HOOK1: variants seen among roughly 807,000 people sequenced by gnomAD.
The protein encoded by HOOK1 is hook microtubule tethering protein 1.
A neutral mutation model predicts 112.8 loss-of-function variants in HOOK1; 60 were observed. The ratio of observed to expected loss-of-function variants is 0.53; its 90% confidence interval spans 0.43 to 0.66. HOOK1 has a LOEUF of 0.66. HOOK1 is among the 30% of genes least tolerant of loss of function. The probability of loss-of-function intolerance (pLI) is 0.00; values close to 1 mark genes in which losing one functional copy is unlikely to be tolerated. For synonymous variants in HOOK1, 294 were observed against 283.8 expected (o/e 1.04, Z -0.36); for missense variants, 770 against 856.0 (o/e 0.90, Z 1.25).
chr1:59,864,431 A>G (rs1643919866), intron 16 of HOOK1, among the ~76,000 whole-genome samples: 1 of 151,630 alleles, frequency 6.6e-6, no homozygotes, highest in South Asian at 2.1e-4. Context: ...TTCATTTTCT[A>G]TTTTTCCTTT....
At chr1:59,840,809 C>T (rs1270578737) in intron 8 of HOOK1, among the ~76,000 whole-genome samples, 1 of 152,012 alleles carries the variant, frequency 6.6e-6, no homozygotes, top group East Asian at 1.9e-4. Flanking sequence ...TATGTAGTCT[C>T]TTATGGCAAA....
intron 8 of HOOK1, among the ~76,000 whole-genome samples, chr1:59,840,620 T>TA (rs1416361540): frequency 6.6e-6 from 1 of 152,150 alleles, no homozygotes; most frequent in African/African-American, 2.4e-5. Context: ...ATCACTCTAC[T>TA]AATTTTAAAA....
chr1:59,865,645 T>C (rs1244390220), intron 18 of HOOK1, among the ~76,000 whole-genome samples: 3 of 152,110 alleles, frequency 2.0e-5, no homozygotes, highest in African/African-American at 7.2e-5. Flanking sequence ...ATAAAGCAGA[T>C]TGTAGATATT....
At chr1:59,820,677 C>T (rs1163947181) in intron 1 of HOOK1, among the ~76,000 whole-genome samples, 6 of 152,104 alleles carry the variant, frequency 3.9e-5, no homozygotes, top group African/African-American at 1.4e-4. Context: ...AGTTGACACC[C>T]ATTTTTTGCA....
intron 4 of HOOK1, among the ~76,000 whole-genome samples, chr1:59,832,789 T>A (rs1277605216): frequency 1.3e-5 from 2 of 152,088 alleles, no homozygotes; most frequent in African/African-American, 4.8e-5. Flanking sequence ...AGAATTTTTG[T>A]TTCTATTCTT....
intron 2 of HOOK1, among the ~76,000 whole-genome samples, chr1:59,824,011 TATC>T: frequency 6.6e-6 from 1 of 152,314 alleles, no homozygotes; most frequent in South Asian, 2.1e-4. Context: ...TGAGCCTCCT[TATC>T]ATCCAGGGGC....
intron 21 of HOOK1, 146 bp downstream of exon 21, chr1:59,871,256 A>G (rs1470326639): frequency 1.8e-6 from 1 of 563,318 alleles, no homozygotes; most frequent in Non-Finnish European, 3.2e-6. Flanking sequence ...AACAAAAGTT[A>G]CCCTGTGTAT....
intron 20 of HOOK1, 91 bp from the exon 21 acceptor site, chr1:59,870,947 TTCTC>T: frequency 1.2e-6 from 1 of 822,216 alleles, no homozygotes; most frequent in Non-Finnish European, 2.0e-6. Flanking sequence ...AATCTTTAGA[TTCTC>T]TCAATAATGA....
Position 59,820,089 on chromosome 1 carries a change from A to G in HOOK1, c.64-1769A>G, listed in dbSNP as rs1412742954. On this transcript the variant is annotated intron_variant, in intron 1 of 21. Transcript: ENST00000371208. ...TACTCTTCCTTATTACTTTTCAGTG[A>G]TTTTTCATCACCCAGAGCAGTGGTT... Among the ~76,000 whole-genome samples, 3 of 152,114 alleles carry G rather than the reference A, an allele frequency of 2.0e-5. No individual in the cohort carries two copies. The East Asian group carries it at 5.8e-4, about 29-fold the overall frequency.
Position 59,872,904 on chromosome 1 carries a change from G to A in HOOK1, c.2126G>A (p.Arg709Gln), listed in dbSNP as rs1404761976. The A allele has an allele frequency of 9.2e-6, 14 of 1,523,832 alleles. No homozygotes were observed. The highest frequency in any genetic ancestry group is 4.0e-5 in the Admixed American group (2 of 49,724). 94.4% of individuals were successfully genotyped at this position (1,523,832 alleles called of 1,614,324 possible). A position where few individuals can be genotyped will look rare whatever the true frequency, so the allele number is the denominator to read the frequency against. The change falls in exon 22 of 22, where the codon CGG (arginine) becomes CAG (glutamine). Residue 709 changes from arginine to glutamine, a missense_variant. Transcript: ENST00000371208. The part of the protein sequence containing the change: ...TPARSFLAQQ[R>Q]HITNTRRNLS... Reference sequence around the variant, plus strand: ...GCGCGGTCTTTCTTAGCGCAGCAACGGCACATCACCAACACCAGAAGAAAT... The same window carrying A: ...GCGCGGTCTTTCTTAGCGCAGCAACAGCACATCACCAACACCAGAAGAAAT...
chr1:59,834,907 T>A lies in HOOK1; in HGVS notation c.407-438T>A, dbSNP rs184243276. On this transcript the variant is annotated intron_variant, in intron 5 of 21. Transcript: ENST00000371208. ...CAGCTGTTCCTTTTCTAAGCTATAA[T>A]TGACATTTTAAGTGGTAATTTTGCC... Among the ~76,000 whole-genome samples the A allele has an allele frequency of 1.4e-3, 217 of 152,208 alleles. 1 individual carries two copies. The highest frequency in any genetic ancestry group is 5.0e-3 in the African/African-American group (208 of 41,566).
At chr1:59,864,968 T>G in intron 17 of HOOK1, 195 bp from the exon 18 acceptor site, 1 of 572,166 alleles carries the variant, frequency 1.7e-6, no homozygotes. Context: ...GAAGCAAGGG[T>G]GGCAAGGGAA....
At position 59,843,499 on chromosome 1, in the gene HOOK1, A is replaced by C; in HGVS notation, c.689A>C (p.Asp230Ala). The C allele has an allele frequency of 6.2e-7, 1 of 1,611,118 alleles. No homozygotes were observed. Residue 230 changes from aspartate to alanine, a missense_variant, in exon 9 of 22, where the codon GAC (aspartate) becomes GCC (alanine). Transcript: ENST00000371208. ...SENEMMNEKL[D>A]QLDGSFDDPN... ...AATGAGATGATGAATGAAAAACTTG[A>C]CCAGTTGGATGGCTCTTTTGATGAT... is the stretch of plus-strand genomic sequence containing the variant.
chr1:59,850,396 C>T (rs1162066788), intron 12 of HOOK1, among the ~76,000 whole-genome samples: 4 of 150,444 alleles, frequency 2.7e-5, no homozygotes, highest in Non-Finnish European at 5.9e-5. Flanking sequence ...ACTTGTTTTT[C>T]CTTTTGTTGC....
Position 59,815,196 on chromosome 1 carries a change from C to T in HOOK1, c.63+16C>T. The T allele has an allele frequency of 1.3e-6, 2 of 1,541,280 alleles. No individual in the cohort carries two copies. Among genetic ancestry groups the T allele is most frequent in the Non-Finnish European group, 1.7e-6 (2 of 1,145,772 alleles). ...CATGATCTGGGTGAGTGCGAGGAGG[C>T]GAGAGGGCGAGGGGGCCAGGGGGCC... On this transcript the variant is annotated intron_variant, in intron 1 of 21. Transcript: ENST00000371208.
intron 15 of HOOK1, 44 bp from the exon 16 acceptor site, chr1:59,862,740 T>C (rs1428561326): frequency 4.2e-6 from 5 of 1,204,210 alleles, no homozygotes; most frequent in South Asian, 1.3e-5. Context: ...TTAACTGCTT[T>C]GACTTTCAAT....
chr1:59,835,341 A>G lies in HOOK1; in HGVS notation c.407-4A>G. ...TTTTCAGATTTGATTTTTTTAAATC[A>G]TAGAACATATTCAAAATATAATGAC... is the stretch of plus-strand genomic sequence containing the variant. On this transcript the variant is annotated splice_region_variant and splice_polypyrimidine_tract_variant and intron_variant, in intron 5 of 21. Coordinates refer to ENST00000371208, the MANE Select transcript of HOOK1 (RefSeq NM_015888.6). The G allele has an allele frequency of 1.3e-6, 2 of 1,539,574 alleles. No homozygotes were observed. Among genetic ancestry groups the G allele is most frequent in the South Asian group, 1.1e-5 (1 of 88,370 alleles).
rs559957345 is a variant in HOOK1 at position 59,815,287 on chromosome 1, C to T, written c.63+107C>T. 1.8e-4 allele frequency: 196 copies of T among 1,070,172 alleles called. 2 individuals carry two copies. The South Asian group carries it at 2.8e-3, about 15-fold the overall frequency. 66.3% of individuals were successfully genotyped at this position (1,070,172 alleles called of 1,614,324 possible). A position where few individuals can be genotyped will look rare whatever the true frequency, so the allele number is the denominator to read the frequency against. ...TGGGGCTACCTGCACAGGGTCCCGG[C>T]GCACCCTGCCCTTCTCACCTCGTGC... On this transcript the variant is annotated intron_variant, in intron 1 of 21. Transcript: ENST00000371208.
At chr1:59,845,542 C>T (rs915252245) in intron 9 of HOOK1, among the ~76,000 whole-genome samples, 2 of 151,516 alleles carry the variant, frequency 1.3e-5, no homozygotes, top group African/African-American at 4.8e-5. Flanking sequence ...AGGAAATTCC[C>T]CTTGTTTCCA....
Sources: gnomAD v4.1 joint callset for allele counts (sites outside exome capture counted in the v4.1 genomes callset) on GRCh38, gnomAD v4.1.1 for gene constraint, MANE v1.5 for transcripts, NCBI Gene and HGNC (gene_info 2026-07-23, HGNC 2026-07-21) for gene names.